Variants in PLCG1 observed in about 807,000 individuals in gnomAD.
PLCG1 encodes the protein phospholipase C gamma 1.
Under a neutral mutation model 177.8 loss-of-function variants are expected in PLCG1, and 71 were observed. That is an observed-to-expected ratio of 0.40 (90% CI 0.33 to 0.49). PLCG1 has a LOEUF of 0.49. Among genes scored for constraint, PLCG1 ranks in the 20% least tolerant of loss-of-function variants. The pLI is 0.72. For missense variants in PLCG1, 1,281 were observed against 1,709.0 expected, an observed-to-expected ratio of 0.75 and a Z score of 4.42; for synonymous variants, 658 against 647.9, an observed-to-expected ratio of 1.02 and a Z score of -0.24.
chr20:41,141,408 C>G (rs964810223), intron 1 of PLCG1, among the ~76,000 whole-genome samples: 3 of 152,260 alleles, frequency 2.0e-5, no homozygotes, highest in African/African-American at 4.8e-5. Context: ...AAACAGCTAA[C>G]TGCCTTGATG....
At chr20:41,154,971 A>T (rs1039309435) in intron 1 of PLCG1, among the ~76,000 whole-genome samples, 1 of 152,134 alleles carries the variant, frequency 6.6e-6, no homozygotes, top group African/African-American at 2.4e-5. Flanking sequence ...CAAAAGGGGG[A>T]TGCTGTCCAG....
At position 41,151,701 on chromosome 20, in the gene PLCG1, C is replaced by G. The variant is rs35101885; in HGVS notation, c.218-7905C>G. On this transcript the variant is annotated intron_variant, in intron 1 of 31. Transcript: ENST00000685551. The surrounding 1 kb of genome is among the most constrained non-coding windows in gnomAD (Gnocchi z 5.5). ...GAGAGGAGAACTCTCACCCTTTCCA[C>G]AGGCTTTGGGCATATGCAGCCAGCT... 9.4e-3 allele frequency among the ~76,000 whole-genome samples: 1,435 copies of G among 152,332 alleles called. 12 individuals carry two copies. Among genetic ancestry groups the G allele is most frequent in the Non-Finnish European group, 0.015 (1,045 of 68,030 alleles).
In PLCG1 at chr20:41,137,847, T is replaced by C. The variant is rs747163333; in HGVS notation, c.206T>C (p.Ile69Thr). The C allele has an allele frequency of 7.8e-7, 1 of 1,288,016 alleles. No individual in the cohort carries two copies. Among genetic ancestry groups the C allele is most frequent in the Admixed American group, 3.4e-5 (1 of 28,994 alleles). The allele number at this position is 1,288,016 out of a possible 1,614,324, so 79.8% of individuals were successfully genotyped here. A position where few individuals can be genotyped will look rare whatever the true frequency, so the allele number is the denominator to read the frequency against. The change falls in exon 1 of 32, where the codon ATC (isoleucine) becomes ACC (threonine). Residue 69 changes from isoleucine to threonine, a missense_variant. Physicochemically the swap from Ile to Thr is moderately conservative, Grantham distance 89. Around this residue, in one of 4 missense-constraint regions of PLCG1, gnomAD observed 374 missense variants for 443.8 expected, o/e 0.84. Transcript: ENST00000685551. The surrounding 1 kb of genome is among the most constrained non-coding windows in gnomAD (Gnocchi z 7.3). ...ACGTGGAGCCGGGGCGCCGACAAGA[T>C]CGAGGGGGCCAGTAAGTGCGCCCAC... ...QITWSRGADK[I>T]EGAIDIREIK...
At position 41,157,204 on chromosome 20, in the gene PLCG1, C is replaced by CTGTGTGTGTGTGTGTGTGTG. The variant is rs35980938; in HGVS notation, c.218-2384_218-2365dup. Among the ~76,000 whole-genome samples, 435 of 144,028 alleles carry CTGTGTGTGTGTGTGTGTGTG rather than the reference C, an allele frequency of 3.0e-3. 3 individuals carry two copies. Among genetic ancestry groups the CTGTGTGTGTGTGTGTGTGTG allele is most frequent in the African/African-American group, 1.0e-2 (372 of 37,324 alleles). 94.5% of individuals were successfully genotyped at this position (144,028 alleles called of 152,430 possible). Reference sequence around the variant, plus strand: ...GTGCAGGAGTGCAGGCCTGTTGACTCTGTGTGTGTGTGTGTGTGTGTGTGT... The same window carrying CTGTGTGTGTGTGTGTGTGTG: ...GTGCAGGAGTGCAGGCCTGTTGACTCTGTGTGTGTGTGTGTGTGTGTGTGTGTGTGTGTGTGTGTGTGTGT... On this transcript the variant is annotated intron_variant, in intron 1 of 31. Transcript: ENST00000685551. This position sits in a 1 kb window ranked among gnomAD's most constrained non-coding sequence, Gnocchi z 5.4.
rs1389450130 is a variant in PLCG1, at chr20:41,150,912, C to T, written c.218-8694C>T. Among the ~76,000 whole-genome samples the T allele has an allele frequency of 6.6e-6, 1 of 152,206 alleles. No individual in the cohort carries two copies. Among genetic ancestry groups the T allele is most frequent in the Non-Finnish European group, 1.5e-5 (1 of 68,040 alleles). ...TTCCCCATCTGTTTCCTCCATCAGGCAGGGGTTTTCTCAAAGGCAGGAACT... is the reference window on the plus strand; with the variant it reads ...TTCCCCATCTGTTTCCTCCATCAGGTAGGGGTTTTCTCAAAGGCAGGAACT... On this transcript the variant is annotated intron_variant, in intron 1 of 31. Coordinates refer to ENST00000685551, the MANE Select transcript of PLCG1 (RefSeq NM_002660.3). This position sits in a 1 kb window ranked among gnomAD's most constrained non-coding sequence, Gnocchi z 4.0.
At position 41,172,981 on chromosome 20, in the gene PLCG1, T is replaced by C; in HGVS notation, c.3279+104T>C. The stretch of plus-strand genomic sequence containing the variant: ...AAGTAGGTATTTTCAGGCATCAAGG[T>C]GGTCAGGGTGGGTGGGGCCTGAGCT... On this transcript the variant is annotated intron_variant, in intron 27 of 31. Transcript: ENST00000685551. The surrounding 1 kb of genome is among the most constrained non-coding windows in gnomAD (Gnocchi z 7.0). 8.0e-7 allele frequency: 1 copy of C among 1,250,348 alleles called. No individual in the cohort carries two copies. The highest frequency in any genetic ancestry group is 1.1e-6 in the Non-Finnish European group (1 of 902,456). The allele number at this position is 1,250,348 out of a possible 1,614,324, so 77.5% of individuals were successfully genotyped here. A position where few individuals can be genotyped will look rare whatever the true frequency, so the allele number is the denominator to read the frequency against.
In PLCG1 at chr20:41,160,165, G is replaced by A; in HGVS notation, c.512+12G>A. On this transcript the variant is annotated intron_variant, in intron 4 of 31. Coordinates refer to ENST00000685551, the MANE Select transcript of PLCG1 (RefSeq NM_002660.3). The surrounding 1 kb of genome is among the most constrained non-coding windows in gnomAD (Gnocchi z 5.5). ...AATCGTGAGGATCGGTAAGTACTGA[G>A]CTGTGGCTGTAGCCCAGCAGGGTGG... is the stretch of plus-strand genomic sequence containing the variant. 1 of 1,613,432 alleles carries A rather than the reference G, an allele frequency of 6.2e-7. No individual in the cohort carries two copies. Among genetic ancestry groups the A allele is most frequent in the Non-Finnish European group, 8.5e-7 (1 of 1,179,378 alleles).
chr20:41,145,989 C>T (rs914941609), intron 1 of PLCG1, among the ~76,000 whole-genome samples: 19 of 152,198 alleles, frequency 1.2e-4, no homozygotes, highest in African/African-American at 4.1e-4. Flanking sequence ...TCCTAGGAAC[C>T]GGGCCCATCC....
chr20:41,170,408 A>G (rs2035859579), intron 24 of PLCG1, 139 bp downstream of exon 24: 1 of 778,340 alleles, frequency 1.3e-6, no homozygotes, highest in African/African-American at 1.8e-5. Context: ...CCCCTGCCTT[A>G]GCTAGGGATT....
At position 41,162,636 on chromosome 20, in the gene PLCG1, A is replaced by G. The variant is rs774928093; in HGVS notation, c.598-6A>G. ...CTGACTGGCACTCCTGCTCTATACC[A>G]TGCAGGACCTGGAGCAGCGCAGCGG... On this transcript the variant is annotated splice_polypyrimidine_tract_variant and splice_region_variant and intron_variant, in intron 5 of 31. Coordinates refer to ENST00000685551, the MANE Select transcript of PLCG1 (RefSeq NM_002660.3). 2.4e-5 allele frequency: 39 copies of G among 1,612,024 alleles called. No individual in the cohort carries two copies. The highest frequency in any genetic ancestry group is 1.8e-4 in the Admixed American group (11 of 59,978).
At position 41,137,917 on chromosome 20, in the gene PLCG1, C is replaced by G; in HGVS notation, c.217+59C>G. 8.7e-7 allele frequency: 1 copy of G among 1,147,284 alleles called. No individual in the cohort carries two copies. The highest frequency in any genetic ancestry group is 1.1e-6 in the Non-Finnish European group (1 of 898,352). 71.1% of individuals were successfully genotyped at this position (1,147,284 alleles called of 1,614,324 possible). ...CGCGCGGGGGTCGTGGGAGCCCGGC[C>G]CGACTGCTTGCACCCCGGCCGGCCG... On this transcript the variant is annotated intron_variant, in intron 1 of 31. Transcript: ENST00000685551. The surrounding 1 kb of genome is among the most constrained non-coding windows in gnomAD (Gnocchi z 7.3).
Position 41,163,989 on chromosome 20 carries a change from G to T in PLCG1, c.1079G>T (p.Gly360Val). Reference sequence around the variant, plus strand: ...GCCTATGCTCGCTGCCTGCGGATGGGCTGTCGCTGCATTGAGTGTGCGTGG... The same window carrying T: ...GCCTATGCTCGCTGCCTGCGGATGGTCTGTCGCTGCATTGAGTGTGCGTGG... ...LEAYARCLRMGCRCIELDCWD... is the reference protein window; with the variant it reads ...LEAYARCLRMVCRCIELDCWD... Residue 360 changes from glycine to valine, a missense_variant, in exon 11 of 32, where the codon GGC becomes GTC. Gly to Val is a moderately radical substitution (Grantham distance 109). Coordinates refer to ENST00000685551, the MANE Select transcript of PLCG1 (RefSeq NM_002660.3). This position sits in a 1 kb window ranked among gnomAD's most constrained non-coding sequence, Gnocchi z 5.2. 1 of 1,614,188 alleles carries T rather than the reference G, an allele frequency of 6.2e-7. No homozygotes were observed. The highest frequency in any genetic ancestry group is 1.1e-5 in the South Asian group (1 of 91,084).
At chr20:41,170,546 G>GA (rs771505365) in intron 24 of PLCG1, 3 of 378,600 alleles carry the variant, frequency 7.9e-6, no homozygotes, top group Non-Finnish European at 1.4e-5. Context: ...GGTAAGAGGA[G>GA]AAGTCCTGGG....
intron 24 of PLCG1, chr20:41,170,705 G>A (rs1178949358): frequency 1.2e-5 from 2 of 164,214 alleles, no homozygotes; most frequent in African/African-American, 4.8e-5. Flanking sequence ...ACAGACTGCA[G>A]GCCACTGGTG....
rs1204043882 is a variant in PLCG1, at chr20:41,157,908, G to A, written c.218-1698G>A. 1.3e-5 allele frequency among the ~76,000 whole-genome samples: 2 copies of A among 152,160 alleles called. No homozygotes were observed. Among genetic ancestry groups the A allele is most frequent in the African/African-American group, 4.8e-5 (2 of 41,428 alleles). On this transcript the variant is annotated intron_variant, in intron 1 of 31. Coordinates refer to ENST00000685551, the MANE Select transcript of PLCG1 (RefSeq NM_002660.3). This position sits in a 1 kb window ranked among gnomAD's most constrained non-coding sequence, Gnocchi z 5.4. ...CCTTAGACTGGCAGTGGGCAGCCTC[G>A]GGAGGGGCTTGAATGAGGTCTAGGG... is the stretch of plus-strand genomic sequence containing the variant.
rs759963996 is a variant in PLCG1, at chr20:41,173,658, A to G, written c.3401A>G (p.Asn1134Ser). ...TKQKTEFVVD[N>S]GLNPVWPAKP... ...TTTGTCGTTGCCTTCACAGTGGACA[A>G]TGGACTCAACCCTGTATGGCCAGCC... Residue 1134 changes from asparagine to serine, a missense_variant, in exon 29 of 32, where the codon AAT becomes AGT. Physicochemically the swap from Asn to Ser is conservative, Grantham distance 46. Coordinates refer to ENST00000685551, the MANE Select transcript of PLCG1 (RefSeq NM_002660.3). This position sits in a 1 kb window ranked among gnomAD's most constrained non-coding sequence, Gnocchi z 6.2. 1.2e-6 allele frequency: 2 copies of G among 1,614,144 alleles called. No homozygotes were observed. Among genetic ancestry groups the G allele is most frequent in the South Asian group, 2.2e-5 (2 of 91,076 alleles).
rs2035680700 is a variant in PLCG1, at chr20:41,166,060, A to G, written c.1800-134A>G. 2 of 695,300 alleles carry G rather than the reference A, an allele frequency of 2.9e-6. No individual in the cohort carries two copies. The highest frequency in any genetic ancestry group is 4.5e-6 in the Non-Finnish European group (2 of 445,682). The allele number at this position is 695,300 out of a possible 1,614,324, so 43.1% of individuals were successfully genotyped here. A position where few individuals can be genotyped will look rare whatever the true frequency, so the allele number is the denominator to read the frequency against. The stretch of plus-strand genomic sequence containing the variant: ...ACCTTTGGTTCATGTGACTGCCCAC[A>G]CCTGAGCTCCTCAGGAGATTGGCCT... On this transcript the variant is annotated intron_variant, in intron 16 of 31. Transcript: ENST00000685551. The surrounding 1 kb of genome is among the most constrained non-coding windows in gnomAD (Gnocchi z 8.6).
intron 20 of PLCG1, among the ~76,000 whole-genome samples, 158 bp downstream of exon 20, chr20:41,168,087 G>A (rs372938080): frequency 1.3e-5 from 2 of 152,176 alleles, no homozygotes; most frequent in East Asian, 1.9e-4. Flanking sequence ...GTTGGTGAGC[G>A]ACCGCAGGTC....
At chr20:41,138,671 T>C (rs548915691) in intron 1 of PLCG1, among the ~76,000 whole-genome samples, 1 of 152,160 alleles carries the variant, frequency 6.6e-6, no homozygotes, top group Admixed American at 6.5e-5. Context: ...AGCTAGTTTG[T>C]GAGTCTAGCC....
Sources: allele counts gnomAD v4.1 joint callset (sites outside exome capture counted in the v4.1 genomes callset), GRCh38; gene constraint gnomAD v4.1.1; regional missense constraint gnomAD v4.1.1; non-coding constraint Gnocchi (gnomAD v3.1); transcripts MANE v1.5; gene names NCBI Gene and HGNC (gene_info 2026-07-23, HGNC 2026-07-21).